The following PEAK1 variants were observed in gnomAD, a reference collection of about 807,000 sequenced individuals.
The protein encoded by PEAK1 is inactive tyrosine-protein kinase PEAK1.
A neutral mutation model predicts 124.7 loss-of-function variants in PEAK1; 54 were observed. The ratio of observed to expected loss-of-function variants is 0.43; its 90% CI spans 0.35 to 0.54. The LOEUF (loss-of-function observed/expected upper bound fraction) is 0.54. Among genes scored for constraint, PEAK1 ranks in the 20% least tolerant of loss-of-function variants. The pLI is 0.01. For missense variants in PEAK1, 2,046 were observed against 2,134.5 expected (o/e 0.96, Z 0.82); for synonymous variants, 719 against 760.0 (o/e 0.95, Z 0.89).
chr15:77,401,154 A>G (rs1282649010), intron 1 of PEAK1, among the ~76,000 whole-genome samples: 2 of 152,200 alleles, frequency 1.3e-5, no homozygotes, highest in African/African-American at 2.4e-5. Context: ...TACCCACTAG[A>G]AGTAGGCTGG....
intron 6 of PEAK1, among the ~76,000 whole-genome samples, chr15:77,211,170 C>T (rs2058886433): frequency 6.6e-6 from 1 of 152,140 alleles, no homozygotes; most frequent in African/African-American, 2.4e-5. Flanking sequence ...GCAACAGAGA[C>T]TATGCCCTGT....
chr15:77,237,852 C>A (rs2060191820), intron 6 of PEAK1, among the ~76,000 whole-genome samples: 1 of 152,054 alleles, frequency 6.6e-6, no homozygotes, highest in African/African-American at 2.4e-5. Flanking sequence ...GCTTTGAATT[C>A]TCTTGCTATG....
At chr15:77,266,097 T>C (rs1296200698) in intron 5 of PEAK1, among the ~76,000 whole-genome samples, 1 of 150,910 alleles carries the variant, frequency 6.6e-6, no homozygotes, top group Non-Finnish European at 1.5e-5. Flanking sequence ...CTCTGGGGAC[T>C]GTTGTGGGGT....
chr15:77,295,061 C>T (rs1253595445), intron 2 of PEAK1, among the ~76,000 whole-genome samples: 2 of 152,084 alleles, frequency 1.3e-5, no homozygotes, highest in African/African-American at 4.8e-5. Flanking sequence ...TAAATTAAAT[C>T]GAGTAATAAA....
Position 77,133,116 on chromosome 15 carries a change from G to C in PEAK1, c.3966C>G (p.Asp1322Glu). 2 of 1,614,202 alleles carry C rather than the reference G, an allele frequency of 1.2e-6. No individual in the cohort carries two copies. Among genetic ancestry groups the C allele is most frequent in the Non-Finnish European group, 1.7e-6 (2 of 1,180,036 alleles). The change falls in exon 9 of 10, where the codon GAC (aspartate) becomes GAG (glutamate). Residue 1322 changes from aspartate to glutamate, a missense_variant. Physicochemically the swap from Asp to Glu is conservative, Grantham distance 45. Coordinates refer to ENST00000682557, the MANE Select transcript of PEAK1 (RefSeq NM_001385026.1). This position sits in a 1 kb window ranked among gnomAD's most constrained non-coding sequence, Gnocchi z 4.2. ...GQKDQLRFGV[D>E]SWSDFRLTSD... is the part of the protein sequence containing the mutation. ...TGGTTAGCCTGAAGTCTGACCAGCT[G>C]TCCACTCCAAAACGGAGCTGGTCTT...
chr15:77,343,793 T>C (rs1177897238), intron 2 of PEAK1, among the ~76,000 whole-genome samples: 1 of 152,120 alleles, frequency 6.6e-6, no homozygotes, highest in Non-Finnish European at 1.5e-5. Flanking sequence ...CCTTATCTAT[T>C]TTTTCTTTTG....
chr15:77,110,019 CA>C lies in PEAK1; in HGVS notation c.*4136del, dbSNP rs2050893117. On this transcript the variant is annotated 3_prime_UTR_variant, in exon 10 of 10. Coordinates refer to ENST00000682557, the MANE Select transcript of PEAK1 (RefSeq NM_001385026.1). ...GCGAAAACCCTAATTCCAGCAAAAC[CA>C]AATGTCAGGTTACTTCCCTGAACCA... The C allele has an allele frequency of 6.6e-6, 1 of 152,158 alleles. No individual in the cohort carries two copies. Among genetic ancestry groups the C allele is most frequent in the African/African-American group, 2.4e-5 (1 of 41,432 alleles). The allele number at this position is 152,158 out of a possible 1,614,324, so 9.4% of individuals were successfully genotyped here.
intron 2 of PEAK1, among the ~76,000 whole-genome samples, chr15:77,289,191 G>A (rs1442019793): frequency 3.3e-5 from 5 of 152,128 alleles, no homozygotes; most frequent in Non-Finnish European, 7.4e-5. Flanking sequence ...ATATATTAGA[G>A]AAATATTTTC....
chr15:77,162,488 C>A (rs2152793838), intron 7 of PEAK1, among the ~76,000 whole-genome samples: 1 of 89,436 alleles, frequency 1.1e-5, no homozygotes. Context: ...AGAAAGACTC[C>A]ATCTCAAAAA....
intron 1 of PEAK1, among the ~76,000 whole-genome samples, chr15:77,412,467 T>C (rs989329136): frequency 6.6e-6 from 1 of 152,222 alleles, no homozygotes; most frequent in Non-Finnish European, 1.5e-5. Context: ...GATCCATTAC[T>C]CTTTTCTTTT....
chr15:77,398,647 C>T (rs373347705), intron 1 of PEAK1, among the ~76,000 whole-genome samples: 5 of 152,088 alleles, frequency 3.3e-5, no homozygotes, highest in South Asian at 2.1e-4. Flanking sequence ...ATGACGGAAC[C>T]GCAGCTAGTA....
intron 1 of PEAK1, among the ~76,000 whole-genome samples, chr15:77,389,588 G>T (rs1457285948): frequency 6.6e-6 from 1 of 152,156 alleles, no homozygotes; most frequent in East Asian, 1.9e-4. Context: ...GGCCATTTCA[G>T]AACTTAGCTA....
intron 7 of PEAK1, among the ~76,000 whole-genome samples, chr15:77,160,906 T>A (rs2055577188): frequency 6.6e-6 from 1 of 152,124 alleles, no homozygotes; most frequent in African/African-American, 2.4e-5. Context: ...CACGATTCCA[T>A]CCTCACTTGC....
At position 77,163,226 on chromosome 15, in the gene PEAK1, C is replaced by T. The variant is rs79989523; in HGVS notation, c.3138-4530G>A. Among the ~76,000 whole-genome samples, 1,114 of 152,256 alleles carry T rather than the reference C, an allele frequency of 7.3e-3. 15 individuals carry two copies. Among genetic ancestry groups the T allele is most frequent in the African/African-American group, 0.025 (1,058 of 41,550 alleles). On this transcript the variant is annotated intron_variant, in intron 7 of 9. Transcript: ENST00000682557. The stretch of plus-strand genomic sequence containing the variant: ...TCTTCAACCAACTTTCCATTAATGA[C>T]CAGTTTTTAATTGAGATTTGGTATG...
intron 7 of PEAK1, among the ~76,000 whole-genome samples, chr15:77,175,147 C>T (rs1427948736): frequency 6.6e-6 from 1 of 152,088 alleles, no homozygotes; most frequent in Non-Finnish European, 1.5e-5. Context: ...ACCATAAAAA[C>T]CCTAGAAGAA....
intron 5 of PEAK1, among the ~76,000 whole-genome samples, chr15:77,255,857 G>C (rs1034949285): frequency 2.0e-5 from 3 of 152,166 alleles, no homozygotes; most frequent in Admixed American, 2.0e-4. Flanking sequence ...ACAGGGGACT[G>C]ACCAGTATGC....
At chr15:77,257,646 G>C (rs2061225320) in intron 5 of PEAK1, among the ~76,000 whole-genome samples, 1 of 151,558 alleles carries the variant, frequency 6.6e-6, no homozygotes, top group African/African-American at 2.4e-5. Context: ...CAGATGAGTA[G>C]GTTGCAAAAA....
At chr15:77,380,893 A>G (rs1255902790) in intron 1 of PEAK1, among the ~76,000 whole-genome samples, 1 of 152,162 alleles carries the variant, frequency 6.6e-6, no homozygotes, top group African/African-American at 2.4e-5. Context: ...ACCCAAAACT[A>G]TCTACATTTA....
downstream of PEAK1, chr15:77,105,315 TTGGTGTGTGTG>T (rs1336400536): frequency 7.9e-6 from 1 of 126,032 alleles, no homozygotes; most frequent in Non-Finnish European, 1.7e-5. Flanking sequence ...GAGCCATTAG[TTGGTGTGTGTG>T]TGTGTGTGTG....
Sources: allele counts gnomAD v4.1 joint callset (sites outside exome capture counted in the v4.1 genomes callset), GRCh38; gene constraint gnomAD v4.1.1; non-coding constraint Gnocchi (gnomAD v3.1); transcripts MANE v1.5; gene names NCBI Gene and HGNC (gene_info 2026-07-23, HGNC 2026-07-21).